The following CADM2 variants were observed in gnomAD, a reference collection of about 807,000 sequenced individuals.
CADM2 encodes the protein cell adhesion molecule 2.
In CADM2, 12 loss-of-function variants were observed where a neutral mutation model predicts 49.8. That is an observed-to-expected ratio of 0.24 (90% CI 0.15 to 0.39). CADM2 has a LOEUF of 0.39. CADM2 is among the 10% of genes least tolerant of loss of function. CADM2 has a pLI of 1.00. For synonymous variants in CADM2, 214 were observed against 175.4 expected (o/e 1.22, Z -1.74); for missense variants, 378 against 492.3 (o/e 0.77, Z 2.20).
At chr3:85,921,496 T>C (rs938353243) in intron 6 of CADM2, among the ~76,000 whole-genome samples, 7 of 152,030 alleles carry the variant, frequency 4.6e-5, no homozygotes, top group Admixed American at 4.6e-4. Context: ...TAATATACTT[T>C]ATTTTTAAGA....
At chr3:85,228,584 A>T (rs1002255748) in intron 1 of CADM2, among the ~76,000 whole-genome samples, 29 of 151,862 alleles carry the variant, frequency 1.9e-4, no homozygotes, top group African/African-American at 7.0e-4. Flanking sequence ...CCTCAGCTGC[A>T]GGTCTGTTAG....
At chr3:85,923,119 G>T (rs537853197) in intron 6 of CADM2, among the ~76,000 whole-genome samples, 1 of 151,920 alleles carries the variant, frequency 6.6e-6, no homozygotes, top group Admixed American at 6.6e-5. Context: ...CACCGCGCCC[G>T]GCCGAAACTA....
At chr3:85,205,479 T>C (rs1389448213) in intron 1 of CADM2, among the ~76,000 whole-genome samples, 1 of 152,156 alleles carries the variant, frequency 6.6e-6, no homozygotes, top group African/African-American at 2.4e-5. Flanking sequence ...AAGTTCTATC[T>C]ATATAGAAAA....
At chr3:85,442,937 T>C (rs983124751) in intron 1 of CADM2, among the ~76,000 whole-genome samples, 3 of 151,852 alleles carry the variant, frequency 2.0e-5, no homozygotes, top group African/African-American at 7.3e-5. Flanking sequence ...CTTAATTTCC[T>C]GATATATTTA....
chr3:85,466,965 A>G (rs2038523558), intron 1 of CADM2, among the ~76,000 whole-genome samples: 2 of 152,204 alleles, frequency 1.3e-5, no homozygotes, highest in Non-Finnish European at 2.9e-5. Context: ...AAGACTATGA[A>G]TAACTACCAG....
intron 7 of CADM2, among the ~76,000 whole-genome samples, chr3:85,945,385 T>C (rs1051586958): frequency 1.1e-4 from 17 of 151,992 alleles, no homozygotes; most frequent in South Asian, 2.1e-4. Flanking sequence ...CTGAAACTAT[T>C]CCAATCAATA....
intron 1 of CADM2, among the ~76,000 whole-genome samples, chr3:85,053,953 A>T (rs2035980096): frequency 6.6e-6 from 1 of 151,970 alleles, no homozygotes; most frequent in African/African-American, 2.4e-5. Flanking sequence ...TCATGATTGC[A>T]AAGAACCTTC....
At chr3:85,979,633 C>CTTT (rs910533155) in intron 8 of CADM2, among the ~76,000 whole-genome samples, 2 of 151,506 alleles carry the variant, frequency 1.3e-5, no homozygotes, top group African/African-American at 4.8e-5. Flanking sequence ...GCAGAGGTAG[C>CTTT]TTTTACTTTT....
intron 1 of CADM2, among the ~76,000 whole-genome samples, chr3:85,187,417 C>T (rs1364268394): frequency 6.6e-6 from 1 of 151,960 alleles, no homozygotes; most frequent in Non-Finnish European, 1.5e-5. Flanking sequence ...AATATCAACT[C>T]AGATACAAAA....
intron 1 of CADM2, among the ~76,000 whole-genome samples, chr3:85,613,206 G>T (rs1227370695): frequency 2.0e-5 from 3 of 151,644 alleles, no homozygotes; most frequent in South Asian, 2.1e-4. Context: ...GGAAATCAAA[G>T]AATATGCTAT....
chr3:85,520,668 T>G (rs772748098), intron 1 of CADM2, among the ~76,000 whole-genome samples: 15 of 152,046 alleles, frequency 9.9e-5, no homozygotes, highest in Non-Finnish European at 1.9e-4. Flanking sequence ...CATCTCTAGC[T>G]TATATCAGAG....
At chr3:85,554,109 T>C (rs1288180842) in intron 1 of CADM2, among the ~76,000 whole-genome samples, 1 of 146,600 alleles carries the variant, frequency 6.8e-6, no homozygotes, top group Non-Finnish European at 1.5e-5. Context: ...TCCACAGAAG[T>C]AGTCAGGGTT....
At chr3:86,029,342 A>G (rs762054080) in intron 8 of CADM2, among the ~76,000 whole-genome samples, 1 of 152,116 alleles carries the variant, frequency 6.6e-6, no homozygotes, top group Non-Finnish European at 1.5e-5. Flanking sequence ...AAAGTTAATA[A>G]GAATCTGTCT....
intron 2 of CADM2, among the ~76,000 whole-genome samples, chr3:85,783,984 C>A (rs1577303960): frequency 6.6e-6 from 1 of 152,134 alleles, no homozygotes; most frequent in African/African-American, 2.4e-5. Flanking sequence ...ATTACAGCCT[C>A]AAATGTGAGC....
chr3:85,268,899 G>A (rs1441457385), intron 1 of CADM2, among the ~76,000 whole-genome samples: 1 of 151,176 alleles, frequency 6.6e-6, no homozygotes, highest in Admixed American at 6.6e-5. Context: ...TACATTAAAA[G>A]TATTCTCTAG....
At chr3:85,587,988 A>C (rs1435521319) in intron 1 of CADM2, among the ~76,000 whole-genome samples, 1 of 151,954 alleles carries the variant, frequency 6.6e-6, no homozygotes, top group Non-Finnish European at 1.5e-5. Flanking sequence ...GCTGGTTTCC[A>C]ATTCCTGGGC....
intron 1 of CADM2, among the ~76,000 whole-genome samples, chr3:85,325,720 G>T: frequency 6.7e-6 from 1 of 150,364 alleles, no homozygotes; most frequent in African/African-American, 2.4e-5. Context: ...TGTGAATAGT[G>T]GATGTCTATC....
intron 6 of CADM2, among the ~76,000 whole-genome samples, chr3:85,912,865 A>T (rs1022517169): frequency 6.6e-6 from 1 of 152,174 alleles, no homozygotes; most frequent in African/African-American, 2.4e-5. Flanking sequence ...AGAATCGGTA[A>T]TCTGAGAGGG....
chr3:85,456,202 C>T (rs757085500), intron 1 of CADM2, among the ~76,000 whole-genome samples: 7 of 152,062 alleles, frequency 4.6e-5, no homozygotes, highest in Admixed American at 6.6e-5. Flanking sequence ...CAGCAGACAC[C>T]ATTTTGAACA....
Sources: allele counts gnomAD v4.1 joint callset (sites outside exome capture counted in the v4.1 genomes callset), GRCh38; gene constraint gnomAD v4.1.1; transcripts MANE v1.5; gene names NCBI Gene and HGNC (gene_info 2026-07-23, HGNC 2026-07-21).